SRGAP2: variants seen among roughly 807,000 people sequenced by gnomAD.
The protein encoded by SRGAP2 is SLIT-ROBO Rho GTPase activating protein 2, also known as SLIT-ROBO Rho GTPase-activating protein 2.
A neutral mutation model predicts 57.2 loss-of-function variants in SRGAP2; 15 were observed. The ratio of observed to expected loss-of-function variants is 0.26; its 90% CI spans 0.18 to 0.40. SRGAP2 has a LOEUF of 0.40. SRGAP2 is among the 10% of genes least tolerant of loss of function. The pLI is 1.00. For missense variants in SRGAP2, 520 were observed against 669.6 expected (o/e 0.78, Z 2.47); for synonymous variants, 249 against 248.0 (o/e 1.00, Z -0.04).
At chr1:206,339,827 TCACCC>T (rs1360358146) in intron 3 of SRGAP2, among the ~76,000 whole-genome samples, 3 of 151,508 alleles carry the variant, frequency 2.0e-5, no homozygotes, top group Non-Finnish European at 4.4e-5. Flanking sequence ...AGTCTTGCTC[TCACCC>T]AGGCTGGAGT....
chr1:206,437,907 T>C, intron 15 of SRGAP2, 57 bp from the exon 16 acceptor site: 4 of 777,042 alleles, frequency 5.1e-6, no homozygotes, highest in South Asian at 1.3e-5. Flanking sequence ...ACGTTCGTCC[T>C]GTGTGTTTTT....
At chr1:206,312,759 T>A (rs61816772) in intron 3 of SRGAP2, among the ~76,000 whole-genome samples, 8,928 of 152,184 alleles carry the variant, frequency 0.059, 518 homozygotes, top group African/African-American at 0.15. Flanking sequence ...GTCAGCCTGG[T>A]TTGATCAAGA....
intron 13 of SRGAP2, among the ~76,000 whole-genome samples, chr1:206,423,442 A>G (rs1660490977): frequency 6.6e-6 from 1 of 152,202 alleles, no homozygotes; most frequent in Non-Finnish European, 1.5e-5. Flanking sequence ...CTAGACATTC[A>G]TACTTGAAAG....
intron 4 of SRGAP2, among the ~76,000 whole-genome samples, chr1:206,347,587 AAG>A (rs1323644584): frequency 1.3e-5 from 2 of 150,638 alleles, no homozygotes; most frequent in Admixed American, 6.6e-5. Context: ...AGAAAAAAAG[AAG>A]AGAGAGAGAG....
intron 10 of SRGAP2, among the ~76,000 whole-genome samples, chr1:206,413,452 A>G (rs961696609): frequency 3.9e-5 from 6 of 152,244 alleles, no homozygotes; most frequent in Non-Finnish European, 8.8e-5. Context: ...GAAGGTGATA[A>G]CAGAGCCTCT....
chr1:206,392,052 G>A (rs1409431127), intron 5 of SRGAP2, among the ~76,000 whole-genome samples: 1 of 151,888 alleles, frequency 6.6e-6, no homozygotes, highest in Non-Finnish European at 1.5e-5. Flanking sequence ...GAGAAAATGT[G>A]TTGTGTGGTA....
intron 3 of SRGAP2, among the ~76,000 whole-genome samples, chr1:206,330,200 C>T (rs1468203666): frequency 3.0e-3 from 89 of 30,046 alleles, no homozygotes; most frequent in South Asian, 6.3e-3. Context: ...CTGCTGGATT[C>T]GGTTTGCCAG....
chr1:206,413,391 C>T (rs1659386173), intron 10 of SRGAP2, among the ~76,000 whole-genome samples: 1 of 152,106 alleles, frequency 6.6e-6, no homozygotes, highest in African/African-American at 2.4e-5. Context: ...TGGATATTAC[C>T]CCGGGAAGAA....
chr1:206,461,207 C>G lies in SRGAP2; in HGVS notation c.3003C>G (p.Leu1001=), dbSNP rs931348186. ...CCAGCCCTCTGCACACCCAGCTCCT[C>G]AAGGACCCCGAGCCCGCCTTCCAGC... is the stretch of plus-strand genomic sequence containing the variant. ...EPSSPLHTQL[L]KDPEPAFQRS... Residue 1001 remains leucine, a synonymous_variant, in exon 23 of 23, where the codon CTC becomes CTG. Transcript: ENST00000573034. 1.8e-5 allele frequency: 14 copies of G among 780,492 alleles called. No individual in the cohort carries two copies. Among genetic ancestry groups the G allele is most frequent in the Non-Finnish European group, 3.4e-5 (14 of 417,850 alleles). The allele number at this position is 780,492 out of a possible 1,614,324, so 48.3% of individuals were successfully genotyped here.
chr1:206,433,882 CA>C (rs1301424171), intron 14 of SRGAP2, among the ~76,000 whole-genome samples: 7 of 152,074 alleles, frequency 4.6e-5, no homozygotes, highest in Non-Finnish European at 7.4e-5. Flanking sequence ...TATGGATTAG[CA>C]ATTCTAAAAG....
intron 19 of SRGAP2, among the ~76,000 whole-genome samples, chr1:206,450,771 A>C (rs1553375587): frequency 6.6e-6 from 1 of 152,152 alleles, no homozygotes; most frequent in Non-Finnish European, 1.5e-5. Flanking sequence ...ATCATAGCCT[A>C]GACTCCTGCC....
At chr1:206,353,705 T>A (rs1321062702) in intron 4 of SRGAP2, among the ~76,000 whole-genome samples, 17 of 148,414 alleles carry the variant, frequency 1.1e-4, no homozygotes, top group Middle Eastern at 3.2e-3. Flanking sequence ...AAAAAATAAA[T>A]AAATAAATAA....
In SRGAP2 at chr1:206,339,288, T is replaced by C. The variant is rs1254149970; in HGVS notation, c.261-3558T>C. ...TTCGCTACCCAACCACGGTCTAACA[T>C]GAACCCAGCCTAGGCCCTTGAGCCT... On this transcript the variant is annotated intron_variant, in intron 3 of 22. Transcript: ENST00000573034. Among the ~76,000 whole-genome samples, 9 of 152,270 alleles carry C rather than the reference T, an allele frequency of 5.9e-5. No homozygotes were observed. In the Middle Eastern group the frequency reaches 0.01, roughly 173 times the overall value.
chr1:206,239,512 C>G (rs1181481569), intron 2 of SRGAP2, among the ~76,000 whole-genome samples: 1 of 152,114 alleles, frequency 6.6e-6, no homozygotes, highest in Non-Finnish European at 1.5e-5. Context: ...GGCTGAAATG[C>G]AGTGGCATGA....
intron 20 of SRGAP2, chr1:206,453,857 C>T: frequency 2.8e-6 from 1 of 359,834 alleles, no homozygotes. Context: ...CCGGCTTAAG[C>T]AGCCTTATGG....
At chr1:206,430,061 T>G (rs1553367796) in intron 13 of SRGAP2, 101 bp from the exon 14 acceptor site, 201 of 725,990 alleles carry the variant, frequency 2.8e-4, no homozygotes, top group East Asian at 7.2e-4. Context: ...GACCGGCTGG[T>G]GATCCGCTAA....
At chr1:206,430,065 C>G in intron 13 of SRGAP2, 97 bp from the exon 14 acceptor site, 1 of 735,664 alleles carries the variant, frequency 1.4e-6, no homozygotes, top group East Asian at 2.5e-5. Context: ...GGCTGGTGAT[C>G]CGCTAAGACA....
At chr1:206,442,665 A>C (rs895149026) in intron 17 of SRGAP2, among the ~76,000 whole-genome samples, 1 of 152,202 alleles carries the variant, frequency 6.6e-6, no homozygotes, top group Non-Finnish European at 1.5e-5. Context: ...TTCTGATTGA[A>C]ACGAGATTGA....
chr1:206,253,428 G>A (rs1240778493), intron 2 of SRGAP2, among the ~76,000 whole-genome samples: 6 of 151,612 alleles, frequency 4.0e-5, no homozygotes, highest in African/African-American at 1.2e-4. Context: ...ATGGGATGAT[G>A]CAGCAAGAAG....
Sources: allele counts gnomAD v4.1 joint callset (sites outside exome capture counted in the v4.1 genomes callset), GRCh38; gene constraint gnomAD v4.1.1; transcripts MANE v1.5; gene names NCBI Gene and HGNC (gene_info 2026-07-23, HGNC 2026-07-21).